Variants in CADM2 observed in about 807,000 individuals in gnomAD.
The protein encoded by CADM2 is cell adhesion molecule 2.
CADM2 carries 12 observed loss-of-function variants against 49.8 expected under a neutral mutation model. The observed-to-expected ratio is 0.24, with a 90% CI of 0.15 to 0.39. The LOEUF (loss-of-function observed/expected upper bound fraction) is 0.39, where lower values mean the gene tolerates loss of function less well. CADM2 is among the 10% of genes least tolerant of loss of function. CADM2 has a pLI of 1.00. For missense variants in CADM2, 378 were observed against 492.3 expected (o/e 0.77, Z 2.20); for synonymous variants, 214 against 175.4 (o/e 1.22, Z -1.74).
chr3:85,172,439 T>G (rs1444715411), intron 1 of CADM2, among the ~76,000 whole-genome samples: 5 of 152,182 alleles, frequency 3.3e-5, no homozygotes, highest in Non-Finnish European at 2.9e-5. Flanking sequence ...TTATAAAAAT[T>G]ATTATTCTAA....
intron 1 of CADM2, among the ~76,000 whole-genome samples, chr3:85,270,304 G>A (rs2043210992): frequency 6.6e-6 from 1 of 151,298 alleles, no homozygotes; most frequent in African/African-American, 2.4e-5. Flanking sequence ...CTTAATTTTA[G>A]TTAATTCTCT....
chr3:85,589,370 G>A lies in CADM2; in HGVS notation c.62-137152G>A, dbSNP rs543549393. Among the ~76,000 whole-genome samples, 55 of 152,028 alleles carry A rather than the reference G, an allele frequency of 3.6e-4. No individual in the cohort carries two copies. The South Asian group carries it at 5.0e-3, about 14-fold the overall frequency. On this transcript the variant is annotated intron_variant, in intron 1 of 9. Transcript: ENST00000383699. ...ATTCCTTTCATTCCAGAGAGAAGTCGTGGTCCAATAGAAAAGACAACAAGT... is the reference window on the plus strand; with the variant it reads ...ATTCCTTTCATTCCAGAGAGAAGTCATGGTCCAATAGAAAAGACAACAAGT...
At chr3:85,308,340 C>CACACAA (rs762259586) in intron 1 of CADM2, among the ~76,000 whole-genome samples, 2 of 149,246 alleles carry the variant, frequency 1.3e-5, no homozygotes, top group African/African-American at 5.0e-5. Flanking sequence ...CACACACACA[C>CACACAA]AACACTCCAT....
At chr3:85,531,974 G>C (rs1474223209) in intron 1 of CADM2, among the ~76,000 whole-genome samples, 1 of 152,154 alleles carries the variant, frequency 6.6e-6, no homozygotes, top group Non-Finnish European at 1.5e-5. Flanking sequence ...TCAGGAGATG[G>C]AGACCATCCT....
At chr3:85,054,758 G>A (rs1243014255) in intron 1 of CADM2, among the ~76,000 whole-genome samples, 1 of 151,856 alleles carries the variant, frequency 6.6e-6, no homozygotes, top group Non-Finnish European at 1.5e-5. Context: ...ACTTTAACTT[G>A]GTGAAGGACG....
At chr3:85,801,989 G>GTGGTT in intron 2 of CADM2, 58 bp from the exon 3 acceptor site, 1 of 1,411,524 alleles carries the variant, frequency 7.1e-7, no homozygotes, top group South Asian at 1.4e-5. Flanking sequence ...GTAGATCTTA[G>GTGGTT]GCAGTTAATC....
intron 1 of CADM2, among the ~76,000 whole-genome samples, chr3:85,480,205 C>A (rs776714533): frequency 6.6e-6 from 1 of 151,680 alleles, no homozygotes; most frequent in Non-Finnish European, 1.5e-5. Context: ...ACATTTTTCA[C>A]AAAATAGGTT....
At chr3:85,246,442 T>TAATA (rs889126182) in intron 1 of CADM2, among the ~76,000 whole-genome samples, 12 of 152,084 alleles carry the variant, frequency 7.9e-5, no homozygotes, top group East Asian at 1.9e-4. Flanking sequence ...ACTTAAAGTA[T>TAATA]AATAAATAAA....
At position 85,117,899 on chromosome 3, in the gene CADM2, G is replaced by A. The variant is rs540287546; in HGVS notation, c.61+158231G>A. 2.6e-5 allele frequency among the ~76,000 whole-genome samples: 4 copies of A among 151,718 alleles called. No individual in the cohort carries two copies. The South Asian group carries it at 6.2e-4, about 24-fold the overall frequency. On this transcript the variant is annotated intron_variant, in intron 1 of 9. Coordinates refer to ENST00000383699, the MANE Select transcript of CADM2 (RefSeq NM_001167675.2). The stretch of plus-strand genomic sequence containing the variant: ...TATTTTCTGAAATGATAGTTGATTC[G>A]GCCCTATTATAATGAAGCTTTCATG...
chr3:86,033,782 A>G (rs1005742749), intron 8 of CADM2, among the ~76,000 whole-genome samples: 1 of 146,776 alleles, frequency 6.8e-6, no homozygotes, highest in Non-Finnish European at 1.5e-5. Flanking sequence ...AATTATATAT[A>G]TTATATACTG....
At chr3:85,616,498 C>T (rs769255660) in intron 1 of CADM2, among the ~76,000 whole-genome samples, 3 of 152,012 alleles carry the variant, frequency 2.0e-5, no homozygotes, top group Non-Finnish European at 4.4e-5. Flanking sequence ...TATTTTGTTA[C>T]TGTTTCAGGT....
intron 3 of CADM2, among the ~76,000 whole-genome samples, chr3:85,852,419 A>C (rs1473949062): frequency 6.6e-6 from 1 of 152,150 alleles, no homozygotes; most frequent in Non-Finnish European, 1.5e-5. Flanking sequence ...CAGATCCTTT[A>C]AGATGTGTAA....
At chr3:86,002,735 A>G (rs1411951016) in intron 8 of CADM2, among the ~76,000 whole-genome samples, 1 of 152,186 alleles carries the variant, frequency 6.6e-6, no homozygotes, top group African/African-American at 2.4e-5. Context: ...TTGGTTCAAA[A>G]TCGGTTCATA....
At chr3:85,690,765 G>A (rs951660688) in intron 1 of CADM2, among the ~76,000 whole-genome samples, 2 of 152,138 alleles carry the variant, frequency 1.3e-5, no homozygotes, top group African/African-American at 4.8e-5. Context: ...TTCTCTCCTT[G>A]TCTAGGAATT....
chr3:85,437,052 C>T (rs1419221353), intron 1 of CADM2, among the ~76,000 whole-genome samples: 2 of 146,778 alleles, frequency 1.4e-5, no homozygotes, highest in East Asian at 1.9e-4. Flanking sequence ...TTACTACTGT[C>T]TTTATAGTTT....
intron 1 of CADM2, among the ~76,000 whole-genome samples, chr3:85,267,217 G>A (rs72917197): frequency 0.07 from 10,618 of 151,776 alleles, 1,223 homozygotes; most frequent in African/African-American, 0.24. Context: ...CAACTCCCAT[G>A]AGAAATGTTG....
At chr3:85,970,101 GA>G (rs1185531301) in intron 8 of CADM2, among the ~76,000 whole-genome samples, 6,080 of 138,634 alleles carry the variant, frequency 0.044, 406 homozygotes, top group African/African-American at 0.15. Flanking sequence ...ATCCCATATT[GA>G]AAAAAAAAAA....
At chr3:85,120,507 A>G (rs1266390393) in intron 1 of CADM2, among the ~76,000 whole-genome samples, 1 of 152,206 alleles carries the variant, frequency 6.6e-6, no homozygotes, top group Non-Finnish European at 1.5e-5. Flanking sequence ...TAAAAAAAGA[A>G]TGAGTTCATG....
intron 8 of CADM2, among the ~76,000 whole-genome samples, chr3:86,023,668 T>A (rs1222692091): frequency 1.3e-5 from 2 of 152,130 alleles, no homozygotes; most frequent in African/African-American, 4.8e-5. Flanking sequence ...TAGCTCTTTT[T>A]TAACCTTTGG....
Sources: allele counts gnomAD v4.1 joint callset (sites outside exome capture counted in the v4.1 genomes callset), GRCh38; gene constraint gnomAD v4.1.1; transcripts MANE v1.5; gene names NCBI Gene and HGNC (gene_info 2026-07-23, HGNC 2026-07-21).